The following EPHA6 variants were observed in gnomAD, a reference collection of about 807,000 sequenced individuals.
EPHA6 encodes the protein EPH receptor A6.
EPHA6 carries 50 observed loss-of-function variants against 112.0 expected under a neutral mutation model. The ratio of observed to expected loss-of-function variants is 0.45; its 90% CI spans 0.36 to 0.56. The LOEUF is 0.56. EPHA6 is among the 20% of genes least tolerant of loss of function. The pLI, the probability that EPHA6 is intolerant of heterozygous loss-of-function variation, is 0.00. For missense variants in EPHA6, 1,280 were observed against 1,417.4 expected (o/e 0.90, Z 1.56); for synonymous variants, 529 against 490.7 (o/e 1.08, Z -1.03).
In EPHA6 at chr3:96,987,518, G is replaced by T. The variant is rs1377206904; in HGVS notation, c.639G>T (p.Gly213=). 1.2e-6 allele frequency: 2 copies of T among 1,613,920 alleles called. No individual in the cohort carries two copies. The highest frequency in any genetic ancestry group is 1.3e-5 in the African/African-American group (1 of 75,030). ...RDCNSIPWVL[G]TCKETFNLFY... ...GTAACAGCATCCCATGGGTCTTGGG[G>T]ACTTGCAAAGAAACATTTAATCTGT... The change falls in exon 3 of 18, where the codon GGG becomes GGT. Residue 213 remains glycine (G), a synonymous_variant. Coordinates refer to ENST00000389672, the MANE Select transcript of EPHA6 (RefSeq NM_001080448.3).
At chr3:97,301,577 G>A (rs1249371959) in intron 5 of EPHA6, among the ~76,000 whole-genome samples, 6 of 152,036 alleles carry the variant, frequency 3.9e-5, no homozygotes, top group Middle Eastern at 3.2e-3. Flanking sequence ...ATAAGTATTG[G>A]AACTAGGTTT....
At chr3:97,298,859 A>G (rs1165982651) in intron 5 of EPHA6, among the ~76,000 whole-genome samples, 1 of 152,160 alleles carries the variant, frequency 6.6e-6, no homozygotes, top group South Asian at 2.1e-4. Context: ...AAATGTCAAG[A>G]AAGAAAATAA....
intron 11 of EPHA6, among the ~76,000 whole-genome samples, chr3:97,581,572 G>A (rs762036151): frequency 3.9e-5 from 6 of 152,250 alleles, no homozygotes; most frequent in Non-Finnish European, 8.8e-5. Flanking sequence ...AAGAGCCACA[G>A]AGAAAGGTCT....
chr3:97,330,218 T>C (rs2082714851), intron 5 of EPHA6, among the ~76,000 whole-genome samples: 1 of 152,204 alleles, frequency 6.6e-6, no homozygotes. Context: ...TTGGTTACTG[T>C]AGCCTTGTAG....
chr3:96,857,249 A>T (rs1057150858), intron 1 of EPHA6, among the ~76,000 whole-genome samples: 9 of 152,130 alleles, frequency 5.9e-5, no homozygotes, highest in African/African-American at 2.2e-4. Flanking sequence ...GAAAGTTCTG[A>T]TGATAAACAA....
At chr3:96,947,412 TC>T (rs527615516) in intron 2 of EPHA6, among the ~76,000 whole-genome samples, 9 of 152,184 alleles carry the variant, frequency 5.9e-5, no homozygotes, top group Non-Finnish European at 8.8e-5. Flanking sequence ...TAGCCAGTTT[TC>T]CCAGCACCAT....
chr3:97,415,390 A>G (rs1411035384), intron 6 of EPHA6, among the ~76,000 whole-genome samples: 2 of 152,036 alleles, frequency 1.3e-5, no homozygotes, highest in African/African-American at 4.8e-5. Context: ...TGTCTTATCT[A>G]TTCATTGGAC....
intron 14 of EPHA6, chr3:97,646,056 C>G: frequency 7.9e-7 from 1 of 1,263,572 alleles, no homozygotes; most frequent in Non-Finnish European, 1.1e-6. Flanking sequence ...TGGAAGCTAT[C>G]CTTTTCTAAT....
At chr3:97,423,501 G>A (rs1035661504) in intron 6 of EPHA6, among the ~76,000 whole-genome samples, 27 of 151,994 alleles carry the variant, frequency 1.8e-4, no homozygotes, top group African/African-American at 6.3e-4. Flanking sequence ...AAAAATTACA[G>A]ACAACACATA....
At chr3:97,154,374 A>AT (rs2076242376) in intron 3 of EPHA6, among the ~76,000 whole-genome samples, 1 of 152,156 alleles carries the variant, frequency 6.6e-6, no homozygotes, top group African/African-American at 2.4e-5. Flanking sequence ...TAATAATTAT[A>AT]TATACTTGTG....
At chr3:97,621,778 T>C (rs2093815793) in intron 13 of EPHA6, among the ~76,000 whole-genome samples, 1 of 151,878 alleles carries the variant, frequency 6.6e-6, no homozygotes, top group African/African-American at 2.4e-5. Flanking sequence ...AGAGGAATTC[T>C]GAAAGACAGA....
At chr3:97,029,725 T>G (rs1211904043) in intron 3 of EPHA6, among the ~76,000 whole-genome samples, 1 of 152,144 alleles carries the variant, frequency 6.6e-6, no homozygotes, top group East Asian at 1.9e-4. Flanking sequence ...TTTGCAGCAA[T>G]CATATCTCAT....
intron 3 of EPHA6, among the ~76,000 whole-genome samples, chr3:97,047,930 G>A (rs1419838287): frequency 6.6e-6 from 1 of 152,052 alleles, no homozygotes. Context: ...GAAGTTCCAG[G>A]ATTGTTCAAT....
intron 2 of EPHA6, among the ~76,000 whole-genome samples, chr3:96,945,465 T>C (rs1386161001): frequency 6.6e-6 from 1 of 152,200 alleles, no homozygotes; most frequent in Non-Finnish European, 1.5e-5. Flanking sequence ...CGAGTTATAA[T>C]TGATTACCAG....
intron 5 of EPHA6, among the ~76,000 whole-genome samples, chr3:97,305,645 C>T (rs543867087): frequency 3.3e-4 from 50 of 152,060 alleles, no homozygotes; most frequent in African/African-American, 1.2e-3. Flanking sequence ...CATGTTCTCC[C>T]TTATAAGTGA....
chr3:97,040,170 CA>C (rs2045263174), intron 3 of EPHA6, among the ~76,000 whole-genome samples: 1 of 151,642 alleles, frequency 6.6e-6, no homozygotes, highest in South Asian at 2.1e-4. Flanking sequence ...TATCAGCACT[CA>C]ATTATTGATG....
chr3:96,950,154 T>A (rs2041463026), intron 2 of EPHA6, among the ~76,000 whole-genome samples: 1 of 151,996 alleles, frequency 6.6e-6, no homozygotes, highest in South Asian at 2.1e-4. Context: ...TTTCCCAGCT[T>A]CATATTTCAT....
intron 5 of EPHA6, among the ~76,000 whole-genome samples, chr3:97,260,048 G>T (rs979009252): frequency 6.6e-6 from 1 of 152,110 alleles, no homozygotes; most frequent in Non-Finnish European, 1.5e-5. Context: ...TGATCAGCCC[G>T]CTTCGGCCTC....
intron 4 of EPHA6, 63 bp from the exon 5 acceptor site, chr3:97,243,889 A>G (rs1392696): frequency 0.046 from 58,022 of 1,268,268 alleles, 6,325 homozygotes; most frequent in African/African-American, 0.34. Context: ...TGAAGTTTTC[A>G]TTTTAGCGCC....
Sources: allele counts gnomAD v4.1 joint callset (sites outside exome capture counted in the v4.1 genomes callset), GRCh38; gene constraint gnomAD v4.1.1; transcripts MANE v1.5; gene names NCBI Gene and HGNC (gene_info 2026-07-23, HGNC 2026-07-21).